The following GUF1 variants were observed in gnomAD, a reference collection of about 807,000 sequenced individuals.
GUF1 encodes the protein translation factor GUF1, mitochondrial.
In GUF1, 78 loss-of-function variants were observed where a neutral mutation model predicts 82.4. The ratio of observed to expected loss-of-function variants is 0.95; its 90% CI spans 0.79 to 1.14. The LOEUF (loss-of-function observed/expected upper bound fraction) is 1.14, where lower values mean the gene tolerates loss of function less well. GUF1 is among the 50% of genes most tolerant of loss of function. GUF1 has a pLI of 0.00. For synonymous variants in GUF1, 279 were observed against 282.3 expected (o/e 0.99, Z 0.12); for missense variants, 814 against 798.2 (o/e 1.02, Z -0.24).
intron 16 of GUF1, among the ~76,000 whole-genome samples, chr4:44,698,131 G>T (rs1715961962): frequency 1.3e-5 from 2 of 152,100 alleles, no homozygotes; most frequent in African/African-American, 4.8e-5. Context: ...GGGTGAGAGG[G>T]AAACTCTATC....
chr4:44,680,690 A>G lies in GUF1; in HGVS notation c.278-4A>G, dbSNP rs1037417323. 6.4e-7 allele frequency: 1 copy of G among 1,573,874 alleles called. No individual in the cohort carries two copies. The highest frequency in any genetic ancestry group is 2.3e-5 in the East Asian group (1 of 43,848). On this transcript the variant is annotated splice_region_variant and splice_polypyrimidine_tract_variant and intron_variant, in intron 2 of 16. Transcript: ENST00000281543. Reference sequence around the variant, plus strand: ...GAAATATCAATAAGTGTTTCTGTTTATAGGGACAATTGATAAAACAAAGAA... The same window carrying G: ...GAAATATCAATAAGTGTTTCTGTTTGTAGGGACAATTGATAAAACAAAGAA...
In GUF1 at chr4:44,678,600, C is replaced by A; in HGVS notation, c.-23C>A. ...TGCTGTTGCGTGTGGGTACCCTCTC[C>A]TGACGCCTCCGCCGCCCGGGTCATG... On this transcript the variant is annotated 5_prime_UTR_variant, in exon 1 of 17. It adds an upstream start codon to the 5' untranslated region. Transcript: ENST00000281543. 1.4e-6 allele frequency: 2 copies of A among 1,443,852 alleles called. No homozygotes were observed. The highest frequency in any genetic ancestry group is 9.0e-7 in the Non-Finnish European group (1 of 1,108,190). The allele number at this position is 1,443,852 out of a possible 1,614,324, so 89.4% of individuals were successfully genotyped here.
chr4:44,687,956 G>A lies in GUF1; in HGVS notation c.939-51G>A, dbSNP rs761228431. 7.9e-6 allele frequency: 12 copies of A among 1,514,120 alleles called. No homozygotes were observed. The East Asian group carries it at 2.3e-4, about 29-fold the overall frequency. The allele number at this position is 1,514,120 out of a possible 1,614,324, so 93.8% of individuals were successfully genotyped here. ...GAAGGTAGAACTAATTGTGAGTTAT[G>A]TGCTTGAAACATTAAAGCAGTAAAT... is the stretch of plus-strand genomic sequence containing the variant. On this transcript the variant is annotated intron_variant, in intron 8 of 16. Coordinates refer to ENST00000281543, the MANE Select transcript of GUF1 (RefSeq NM_021927.3).
intron 4 of GUF1, among the ~76,000 whole-genome samples, chr4:44,681,784 C>T (rs1479737155): frequency 6.6e-6 from 1 of 151,988 alleles, no homozygotes; most frequent in East Asian, 1.9e-4. Context: ...TGTGTTAAGC[C>T]GTTAAGCCTT....
At position 44,688,150 on chromosome 4, in the gene GUF1, A is replaced by G. The variant is rs774414611; in HGVS notation, c.1078+4A>G. 1.9e-6 allele frequency: 3 copies of G among 1,605,402 alleles called. No homozygotes were observed. The East Asian group carries it at 6.7e-5, about 36-fold the overall frequency. Reference sequence around the variant, plus strand: ...GCGAAACCAATGGTATTTGCAGGTGAGGAGTTCACAAATTCAAAGGTTGAG... The same window carrying G: ...GCGAAACCAATGGTATTTGCAGGTGGGGAGTTCACAAATTCAAAGGTTGAG... On this transcript the variant is annotated splice_donor_region_variant and intron_variant, in intron 9 of 16. Transcript: ENST00000281543.
rs529424549 is a variant in GUF1, at chr4:44,689,833, C to A, written c.1203-10C>A. The A allele has an allele frequency of 3.8e-6, 6 of 1,584,890 alleles. No homozygotes were observed. Among genetic ancestry groups the A allele is most frequent in the Middle Eastern group, 1.7e-4 (1 of 5,902 alleles). On this transcript the variant is annotated splice_polypyrimidine_tract_variant and intron_variant, in intron 10 of 16. Transcript: ENST00000281543. ...ATAAACATTTTGGAGTTTGTCTTTTCCTCCCCCAGGCTAGGATTTCTTGGA... is the reference window on the plus strand; with the variant it reads ...ATAAACATTTTGGAGTTTGTCTTTTACTCCCCCAGGCTAGGATTTCTTGGA...
chr4:44,696,346 C>T (rs770314548), intron 15 of GUF1, among the ~76,000 whole-genome samples: 1 of 152,232 alleles, frequency 6.6e-6, no homozygotes, highest in African/African-American at 2.4e-5. Context: ...ATTCTGTGAT[C>T]CCAACTACTT....
intron 8 of GUF1, among the ~76,000 whole-genome samples, chr4:44,687,062 G>A (rs1015169674): frequency 6.6e-6 from 1 of 151,916 alleles, no homozygotes; most frequent in Non-Finnish European, 1.5e-5. Flanking sequence ...ATTTTCCAAT[G>A]TAAAGGTGGT....
rs373936440 is a variant in GUF1 at position 44,691,719 on chromosome 4, G to A, written c.1533G>A (p.Met511Ile). The A allele has an allele frequency of 1.9e-6, 3 of 1,575,350 alleles. No individual in the cohort carries two copies. Among genetic ancestry groups the A allele is most frequent in the South Asian group, 2.2e-5 (2 of 89,028 alleles). The change falls in exon 13 of 17, where the codon ATG becomes ATA. Residue 511 changes from methionine (M) to isoleucine (I), a missense_variant. Transcript: ENST00000281543. ...TATTTATTGATCAAAATAGAGTTAT[G>A]CTTAAATATCTCTTTCCTTTGAATG... is the stretch of plus-strand genomic sequence containing the variant. ...NMIFIDQNRV[M>I]LKYLFPLNEI...
At chr4:44,696,638 T>A (rs1008375702) in intron 15 of GUF1, among the ~76,000 whole-genome samples, 15 of 152,208 alleles carry the variant, frequency 9.9e-5, no homozygotes, top group Non-Finnish European at 1.8e-4. Context: ...ACCATCATGT[T>A]AATATAGACT....
intron 1 of GUF1, among the ~76,000 whole-genome samples, chr4:44,680,115 A>T (rs1714678164): frequency 6.8e-6 from 1 of 147,024 alleles, no homozygotes; most frequent in Admixed American, 6.7e-5. Flanking sequence ...GTTTTACTAG[A>T]CAAGGTATTC....
intron 15 of GUF1, among the ~76,000 whole-genome samples, chr4:44,696,156 C>T (rs1052206532): frequency 2.0e-5 from 3 of 152,056 alleles, no homozygotes; most frequent in African/African-American, 7.2e-5. Context: ...TCCCCACTTC[C>T]GCAGAGCTAG....
chr4:44,682,353 T>G lies in GUF1; in HGVS notation c.527T>G (p.Val176Gly), dbSNP rs1275752350. Residue 176 changes from valine (V) to glycine (G), a missense_variant, in exon 5 of 17, where the codon GTA becomes GGA. Transcript: ENST00000281543. ...DANEGIQAQT[V>G]ANFFLAFEAQ... The stretch of plus-strand genomic sequence containing the variant: ...TTTCAGGGAATTCAAGCCCAAACTG[T>G]AGCAAACTTCTTTCTTGCCTTCGAA... The G allele has an allele frequency of 7.1e-6, 11 of 1,541,078 alleles. No individual in the cohort carries two copies. Among genetic ancestry groups the G allele is most frequent in the African/African-American group, 1.4e-5 (1 of 71,198 alleles).
chr4:44,697,490 T>C (rs760212787), intron 16 of GUF1, 46 bp downstream of exon 16: 1 of 995,610 alleles, frequency 1.0e-6, no homozygotes, highest in Non-Finnish European at 1.5e-6. Context: ...TTTTATGGGC[T>C]TTAAATCAAA....
rs1232576890 is a variant in GUF1 at position 44,700,481 on chromosome 4, T to G, written c.*1800T>G. The G allele has an allele frequency of 6.6e-6, 1 of 152,276 alleles. No homozygotes were observed. Among genetic ancestry groups the G allele is most frequent in the East Asian group, 1.9e-4 (1 of 5,194 alleles). 9.4% of individuals were successfully genotyped at this position (152,276 alleles called of 1,614,324 possible). On this transcript the variant is annotated 3_prime_UTR_variant, in exon 17 of 17. Coordinates refer to ENST00000281543, the MANE Select transcript of GUF1 (RefSeq NM_021927.3). ...CCTTTCTCTCTTACCTGCCTATGCT[T>G]GAAGCCCCCGCCCCTCTTCAAGTTG...
chr4:44,690,027 G>A (rs1316255052), intron 11 of GUF1, 52 bp downstream of exon 11: 2 of 1,395,232 alleles, frequency 1.4e-6, no homozygotes, highest in Non-Finnish European at 1.9e-6. Context: ...TAGTCTCTTG[G>A]AAAAAATAAA....
intron 6 of GUF1, among the ~76,000 whole-genome samples, chr4:44,685,167 T>C (rs1714977607): frequency 6.6e-6 from 1 of 152,142 alleles, no homozygotes; most frequent in African/African-American, 2.4e-5. Flanking sequence ...AGTACTACAG[T>C]CTAGAGCAGT....
chr4:44,692,143 A>G (rs1316286042), intron 13 of GUF1, among the ~76,000 whole-genome samples: 1 of 151,902 alleles, frequency 6.6e-6, no homozygotes, highest in Non-Finnish European at 1.5e-5. Context: ...TTTAAAATGT[A>G]TATTTATGTT....
intron 1 of GUF1, 138 bp downstream of exon 1, chr4:44,678,925 G>GCACTTT: frequency 1.2e-6 from 1 of 839,428 alleles, no homozygotes; most frequent in Non-Finnish European, 1.8e-6. Flanking sequence ...AGAGCGGAGA[G>GCACTTT]TGTGAGCACT....
Sources: allele counts gnomAD v4.1 joint callset (sites outside exome capture counted in the v4.1 genomes callset), GRCh38; gene constraint gnomAD v4.1.1; transcripts MANE v1.5; gene names NCBI Gene and HGNC (gene_info 2026-07-23, HGNC 2026-07-21).